MTRF1: variants seen among roughly 807,000 people sequenced by gnomAD.
The protein encoded by MTRF1 is mitochondrial translation release factor 1, also known as peptide chain release factor 1, mitochondrial.
MTRF1 carries 51 observed loss-of-function variants against 62.9 expected under a neutral mutation model. The ratio of observed to expected loss-of-function variants is 0.81; its 90% CI spans 0.65 to 1.02. The LOEUF is 1.02. Among genes scored for constraint, MTRF1 ranks in the 50% least tolerant of loss-of-function variants. MTRF1 has a pLI of 0.00. For missense variants in MTRF1, 446 were observed against 530.0 expected (o/e 0.84, Z 1.56); for synonymous variants, 158 against 181.9 (o/e 0.87, Z 1.06).
intron 5 of MTRF1, among the ~76,000 whole-genome samples, chr13:41,246,421 C>T (rs978797898): frequency 2.6e-5 from 4 of 152,052 alleles, no homozygotes; most frequent in Non-Finnish European, 4.4e-5. Context: ...GAAGATATAA[C>T]CATTTGGTTT....
the MTRF1 span, among the ~76,000 whole-genome samples, chr13:41,297,371 A>G: frequency 2.2e-4 from 33 of 152,224 alleles, no homozygotes; most frequent in African/African-American, 6.7e-4. Context: ...CAAGGTTTCA[A>G]AACTTCCTTT....
chr13:41,308,779 A>T, the MTRF1 span, among the ~76,000 whole-genome samples: 5 of 152,132 alleles, frequency 3.3e-5, no homozygotes, highest in Admixed American at 3.3e-4. Context: ...ACACAGGTAA[A>T]TTGCATGTTG....
At chr13:41,293,609 G>A in the MTRF1 span, among the ~76,000 whole-genome samples, 1 of 152,132 alleles carries the variant, frequency 6.6e-6, no homozygotes, top group South Asian at 2.1e-4. Flanking sequence ...TTCACTTTAA[G>A]GCTCTTATTT....
intron 6 of MTRF1, among the ~76,000 whole-genome samples, chr13:41,239,624 T>C (rs1879572657): frequency 6.6e-6 from 1 of 152,146 alleles, no homozygotes; most frequent in East Asian, 1.9e-4. Context: ...ACTAAAAAGA[T>C]AGATACATGG....
chr13:41,279,312 C>T, the MTRF1 span, among the ~76,000 whole-genome samples: 1 of 152,194 alleles, frequency 6.6e-6, no homozygotes, highest in East Asian at 1.9e-4. Flanking sequence ...TTGGAAGAAA[C>T]ATTTACAATG....
chr13:41,231,496 T>C (rs879533207), intron 7 of MTRF1, among the ~76,000 whole-genome samples: 3 of 152,176 alleles, frequency 2.0e-5, no homozygotes, highest in Admixed American at 1.3e-4. Context: ...ACAACTGCTA[T>C]TGAAAGGTGA....
At chr13:41,221,720 T>C (rs1371695891) in intron 9 of MTRF1, among the ~76,000 whole-genome samples, 1 of 152,192 alleles carries the variant, frequency 6.6e-6, no homozygotes, top group East Asian at 1.9e-4. Flanking sequence ...AGCCAGTTAG[T>C]TACCTTCCCT....
Position 41,252,378 on chromosome 13 carries a change from C to G in MTRF1, c.697+267G>C, listed in dbSNP as rs562439961. 41 of 251,528 alleles carry G rather than the reference C, an allele frequency of 1.6e-4. No individual in the cohort carries two copies. In the South Asian group the frequency reaches 6.1e-3, roughly 38 times the overall value. 15.6% of individuals were successfully genotyped at this position (251,528 alleles called of 1,614,324 possible). On this transcript the variant is annotated intron_variant, in intron 5 of 9. Coordinates refer to ENST00000379480, the MANE Select transcript of MTRF1 (RefSeq NM_004294.4). ...ATAATAGAGAAAAATGATTTTGAGG[C>G]AAGATACGTATCTAAGTTCCTCAGG... is the stretch of plus-strand genomic sequence containing the variant.
the MTRF1 span, among the ~76,000 whole-genome samples, chr13:41,310,699 A>T: frequency 8.5e-4 from 129 of 152,256 alleles, 2 homozygotes; most frequent in Middle Eastern, 0.034. Flanking sequence ...AAAAACAAAG[A>T]TTGTAAATGT....
At chr13:41,280,974 G>C in the MTRF1 span, among the ~76,000 whole-genome samples, 1 of 152,150 alleles carries the variant, frequency 6.6e-6, no homozygotes, top group African/African-American at 2.4e-5. Context: ...TTGAGGTGAC[G>C]TGGGGAAGAA....
intron 5 of MTRF1, 130 bp from the exon 6 acceptor site, chr13:41,240,563 C>T (rs566804824): frequency 1.4e-4 from 97 of 680,626 alleles, no homozygotes; most frequent in Middle Eastern, 2.7e-4. Flanking sequence ...CATGGGAGAA[C>T]GAGGGCCTCT....
the MTRF1 span, among the ~76,000 whole-genome samples, chr13:41,303,420 G>A: frequency 5.3e-5 from 8 of 152,278 alleles, 1 homozygote; most frequent in South Asian, 2.1e-4. Context: ...TATTCTGTAC[G>A]TGCTGGTCTT....
the MTRF1 span, among the ~76,000 whole-genome samples, chr13:41,306,383 C>CAA: frequency 4.0e-4 from 45 of 111,178 alleles, no homozygotes; most frequent in African/African-American, 1.5e-3. Context: ...GACTCCGTCT[C>CAA]AAAAAAAAAA....
intron 5 of MTRF1, among the ~76,000 whole-genome samples, chr13:41,251,585 C>G (rs190010331): frequency 6.6e-6 from 1 of 152,170 alleles, no homozygotes; most frequent in Non-Finnish European, 1.5e-5. Context: ...GGATAATCCC[C>G]TTTCCTGACC....
At position 41,253,798 on chromosome 13, in the gene MTRF1, T is replaced by C. The variant is rs551219065; in HGVS notation, c.507+731A>G. On this transcript the variant is annotated intron_variant, in intron 3 of 9. Coordinates refer to ENST00000379480, the MANE Select transcript of MTRF1 (RefSeq NM_004294.4). The stretch of plus-strand genomic sequence containing the variant: ...CTGCCTTTGATTAACTGGTTCAATT[T>C]GTAATAAAAATAACTGATATCCCAT... Among the ~76,000 whole-genome samples the C allele has an allele frequency of 2.0e-5, 3 of 152,322 alleles. No individual in the cohort carries two copies. In the South Asian group the frequency reaches 6.2e-4, roughly 32 times the overall value.
the MTRF1 span, among the ~76,000 whole-genome samples, chr13:41,275,361 C>T: frequency 3.9e-5 from 6 of 151,974 alleles, no homozygotes; most frequent in Non-Finnish European, 7.4e-5. Context: ...CCACCATGCC[C>T]GGCTAATTTG....
At chr13:41,307,295 T>C in the MTRF1 span, among the ~76,000 whole-genome samples, 1 of 152,164 alleles carries the variant, frequency 6.6e-6, no homozygotes, top group African/African-American at 2.4e-5. Context: ...GCTGTTCTCA[T>C]GATAGTGAGT....
At chr13:41,288,809 A>G in the MTRF1 span, among the ~76,000 whole-genome samples, 1 of 152,180 alleles carries the variant, frequency 6.6e-6, no homozygotes, top group East Asian at 1.9e-4. Context: ...TCGAGTTCAA[A>G]ATGGGTCGTA....
At chr13:41,299,033 T>A in the MTRF1 span, among the ~76,000 whole-genome samples, 3 of 151,772 alleles carry the variant, frequency 2.0e-5, no homozygotes, top group Admixed American at 6.6e-5. Context: ...ATACAAAAAT[T>A]AGCTGGGCGT....
Sources: allele counts gnomAD v4.1 joint callset (sites outside exome capture counted in the v4.1 genomes callset), GRCh38; gene constraint gnomAD v4.1.1; transcripts MANE v1.5; gene names NCBI Gene and HGNC (gene_info 2026-07-23, HGNC 2026-07-21).